Variants in SERPINF1 observed in about 807,000 individuals in gnomAD.
SERPINF1 encodes the protein serpin family F member 1.
In SERPINF1, 29 loss-of-function variants were observed where a neutral mutation model predicts 37.3. The ratio of observed to expected loss-of-function variants is 0.78; its 90% CI spans 0.58 to 1.06. SERPINF1 has a LOEUF of 1.06. Ranked by LOEUF, SERPINF1 falls within the 50% of genes least tolerant of loss-of-function variation. The probability of loss-of-function intolerance (pLI) is 0.00; values close to 1 mark genes in which losing one functional copy is unlikely to be tolerated. For missense variants in SERPINF1, 553 were observed against 532.2 expected, an observed-to-expected ratio of 1.04 and a Z score of -0.38; for synonymous variants, 281 against 227.9, an observed-to-expected ratio of 1.23 and a Z score of -2.10.
chr17:1,764,170 G>A (rs1203498102), intron 1 of SERPINF1, among the ~76,000 whole-genome samples: 1 of 152,182 alleles, frequency 6.6e-6, no homozygotes, highest in Non-Finnish European at 1.5e-5. Context: ...CGACAAGAGT[G>A]AAACTCTGTC....
intron 2 of SERPINF1, among the ~76,000 whole-genome samples, chr17:1,768,673 C>T (rs1324021195): frequency 2.6e-5 from 4 of 151,818 alleles, no homozygotes; most frequent in Non-Finnish European, 4.4e-5. Context: ...GATGGGGCCT[C>T]ACCATGTTGC....
intron 6 of SERPINF1, 143 bp downstream of exon 6, chr17:1,775,343 CAT>C: frequency 1.3e-6 from 1 of 793,278 alleles, no homozygotes; most frequent in Non-Finnish European, 2.0e-6. Flanking sequence ...AGGTTAATAA[CAT>C]GTCTGAGCTT....
rs1362781691 is a variant in SERPINF1, at chr17:1,772,025, A to G, written c.593A>G (p.Glu198Gly). 2 of 1,613,906 alleles carry G rather than the reference A, an allele frequency of 1.2e-6. No homozygotes were observed. The highest frequency in any genetic ancestry group is 8.5e-7 in the Non-Finnish European group (1 of 1,179,972). ...MKGKLARSTK[E>G]IPDEISILLL... The stretch of plus-strand genomic sequence containing the variant: ...GGGAAGCTCGCCAGGTCCACAAAGG[A>G]AATTCCCGATGAGATCAGCATTCTC... Residue 198 changes from glutamate (E) to glycine (G), a missense_variant, in exon 5 of 8, where the codon GAA becomes GGA. Coordinates refer to ENST00000254722, the MANE Select transcript of SERPINF1 (RefSeq NM_002615.7).
chr17:1,773,438 G>T (rs565138206), intron 5 of SERPINF1, among the ~76,000 whole-genome samples: 2 of 152,108 alleles, frequency 1.3e-5, no homozygotes, highest in African/African-American at 4.8e-5. Flanking sequence ...TAGAGATGGG[G>T]TTTCGCCATG....
intron 4 of SERPINF1, 78 bp from the exon 5 acceptor site, chr17:1,771,794 C>T: frequency 1.4e-6 from 2 of 1,445,086 alleles, no homozygotes; most frequent in Non-Finnish European, 1.9e-6. Flanking sequence ...AAACCAGAAC[C>T]CGAGCCTGGC....
Position 1,777,477 on chromosome 17 carries a change from A to C in SERPINF1, c.*31A>C, listed in dbSNP as rs373498537. ...CAGTTTAATATTCCAATACCCTAGA[A>C]GAAAACCCGAGGGACAGCAGATTCC... On this transcript the variant is annotated 3_prime_UTR_variant, in exon 8 of 8. Coordinates refer to ENST00000254722, the MANE Select transcript of SERPINF1 (RefSeq NM_002615.7). 4.1e-5 allele frequency: 66 copies of C among 1,613,724 alleles called. 2 individuals are homozygous for C. In the South Asian group the frequency reaches 7.1e-4, roughly 17 times the overall value.
rs1597357727 is a variant in SERPINF1, at chr17:1,777,381, C to T, written c.1192C>T (p.Leu398=). 1.9e-5 allele frequency: 31 copies of T among 1,614,034 alleles called. No individual in the cohort carries two copies. The East Asian group carries it at 6.9e-4, about 36-fold the overall frequency. ...YHLNQPFIFV[L]RDTDTGALLF... The stretch of plus-strand genomic sequence containing the variant: ...CCTTAACCAGCCTTTCATCTTCGTA[C>T]TGAGGGACACAGACACAGGGGCCCT... The change falls in exon 8 of 8, where the codon CTG becomes TTG. Residue 398 remains leucine, a synonymous_variant. Coordinates refer to ENST00000254722, the MANE Select transcript of SERPINF1 (RefSeq NM_002615.7).
At chr17:1,775,260 CA>C in intron 6 of SERPINF1, 60 bp downstream of exon 6, 1 of 1,552,376 alleles carries the variant, frequency 6.4e-7, no homozygotes, top group Non-Finnish European at 8.8e-7. Flanking sequence ...AGAAGCAAAA[CA>C]GGGTAGTGGG....
chr17:1,767,534 G>A (rs1328873800), intron 2 of SERPINF1, among the ~76,000 whole-genome samples: 6 of 152,338 alleles, frequency 3.9e-5, no homozygotes, highest in African/African-American at 1.4e-4. Context: ...CCAGGCTGTG[G>A]CAGGGAGTGA....
intron 5 of SERPINF1, 104 bp downstream of exon 5, chr17:1,772,179 C>G: frequency 8.1e-7 from 1 of 1,235,040 alleles, no homozygotes. Context: ...TGCAGTGGTG[C>G]GATCTCAGCT....
At chr17:1,772,143 G>A (rs1907785139) in intron 5 of SERPINF1, 68 bp downstream of exon 5, 3 of 1,498,836 alleles carry the variant, frequency 2.0e-6, no homozygotes, top group South Asian at 1.2e-5. Flanking sequence ...ATTCGATGGA[G>A]TCTTACTCTG....
rs778662628 is a variant in SERPINF1 at position 1,771,089 on chromosome 17, G to C, written c.344G>C (p.Ser115Thr). The change falls in exon 4 of 8, where the codon AGC (serine) becomes ACC (threonine). Residue 115 changes from serine to threonine, a missense_variant. Coordinates refer to ENST00000254722, the MANE Select transcript of SERPINF1 (RefSeq NM_002615.7). ...GCTCTCTACTATGACTTGATCAGCA[G>C]CCCAGACATCCATGGTACCTATAAG... The part of the protein sequence containing the change: ...HRALYYDLIS[S>T]PDIHGTYKEL... 1.9e-6 allele frequency: 3 copies of C among 1,614,080 alleles called. No individual in the cohort carries two copies. The highest frequency in any genetic ancestry group is 2.5e-6 in the Non-Finnish European group (3 of 1,180,014).
chr17:1,771,116 A>T lies in SERPINF1; in HGVS notation c.371A>T (p.Glu124Val). The part of the protein sequence containing the change: ...SSPDIHGTYK[E>V]LLDTVTAPQK... ...CCAGACATCCATGGTACCTATAAGG[A>T]GCTCCTTGACACGGTCACTGCCCCC... The change falls in exon 4 of 8, where the codon GAG becomes GTG. Residue 124 changes from glutamate to valine, a missense_variant. Transcript: ENST00000254722. 6.2e-7 allele frequency: 1 copy of T among 1,614,096 alleles called. No individual in the cohort carries two copies. The highest frequency in any genetic ancestry group is 8.5e-7 in the Non-Finnish European group (1 of 1,180,002).
At chr17:1,776,452 G>A in intron 6 of SERPINF1, 80 bp from the exon 7 acceptor site, 1 of 1,307,240 alleles carries the variant, frequency 7.6e-7, no homozygotes, top group Non-Finnish European at 1.1e-6. Context: ...TCACGGGAGA[G>A]GGAAGGCAGC....
rs1023966067 is a variant in SERPINF1 at position 1,772,684 on chromosome 17, G to A, written c.643+609G>A. 5.3e-5 allele frequency among the ~76,000 whole-genome samples: 8 copies of A among 151,864 alleles called. No individual in the cohort carries two copies. The East Asian group carries it at 9.7e-4, about 18-fold the overall frequency. Reference sequence around the variant, plus strand: ...CACCATTCTCCTGCCTCGACCTCCCGAGTAGCTGGGACTACAGGCGCCCGC... The same window carrying A: ...CACCATTCTCCTGCCTCGACCTCCCAAGTAGCTGGGACTACAGGCGCCCGC... On this transcript the variant is annotated intron_variant, in intron 5 of 7. Transcript: ENST00000254722.
At chr17:1,772,317 T>C (rs1192237018) in intron 5 of SERPINF1, among the ~76,000 whole-genome samples, 1 of 151,948 alleles carries the variant, frequency 6.6e-6, no homozygotes. Context: ...GGTTTCACCA[T>C]GTTGGCCAGG....
chr17:1,777,053 G>A, intron 7 of SERPINF1, 134 bp from the exon 8 acceptor site: 1 of 1,407,722 alleles, frequency 7.1e-7, no homozygotes, highest in African/African-American at 1.4e-5. Flanking sequence ...TCCACCCTCG[G>A]TCAGCTCAGA....
chr17:1,768,925 C>G (rs1907552450), intron 2 of SERPINF1, among the ~76,000 whole-genome samples: 1 of 151,990 alleles, frequency 6.6e-6, no homozygotes. Flanking sequence ...CGTGCCTCAG[C>G]CTCCTGAGTA....
chr17:1,762,924 A>G (rs59409453), intron 1 of SERPINF1: 93,392 of 152,260 alleles, frequency 0.61, 31,596 homozygotes, highest in East Asian at 0.76. Flanking sequence ...GCCCCTGTCC[A>G]GCCTAGGCCC....
Sources: gnomAD v4.1 joint callset for allele counts (sites outside exome capture counted in the v4.1 genomes callset) on GRCh38, gnomAD v4.1.1 for gene constraint, MANE v1.5 for transcripts, NCBI Gene and HGNC (gene_info 2026-07-23, HGNC 2026-07-21) for gene names.